Variants in ANTXR2 observed in about 807,000 individuals in gnomAD.
The protein encoded by ANTXR2 is ANTXR cell adhesion molecule 2.
A neutral mutation model predicts 73.7 loss-of-function variants in ANTXR2; 44 were observed. That is an observed-to-expected ratio of 0.60 (90% confidence interval 0.47 to 0.77). The LOEUF (loss-of-function observed/expected upper bound fraction) is 0.77. Ranked by LOEUF, ANTXR2 falls within the 30% of genes least tolerant of loss-of-function variation. The probability of loss-of-function intolerance (pLI) is 0.00; values close to 1 mark genes in which losing one functional copy is unlikely to be tolerated. For synonymous variants in ANTXR2, 217 were observed against 205.9 expected (o/e 1.05, Z -0.46); for missense variants, 604 against 592.5 (o/e 1.02, Z -0.20).
At chr4:80,027,442 A>G (rs1458461192) in intron 10 of ANTXR2, among the ~76,000 whole-genome samples, 2 of 152,154 alleles carry the variant, frequency 1.3e-5, no homozygotes, top group African/African-American at 2.4e-5. Context: ...CATCTCAATG[A>G]TCCTTCAGTT....
At chr4:79,919,020 C>G (rs1727465018) in intron 16 of ANTXR2, among the ~76,000 whole-genome samples, 1 of 150,938 alleles carries the variant, frequency 6.6e-6, no homozygotes, top group Non-Finnish European at 1.5e-5. Context: ...CCTGAGCAAG[C>G]AATGAAAAAC....
chr4:80,023,107 A>G (rs1732250754), intron 10 of ANTXR2, among the ~76,000 whole-genome samples: 1 of 152,324 alleles, frequency 6.6e-6, no homozygotes, highest in South Asian at 2.1e-4. Flanking sequence ...GAAGCAATAA[A>G]ATCATTATGT....
intron 11 of ANTXR2, among the ~76,000 whole-genome samples, chr4:80,014,081 T>A (rs11934958): frequency 0.16 from 24,414 of 152,066 alleles, 2,962 homozygotes; most frequent in African/African-American, 0.35. Context: ...TGGAATTCTA[T>A]CTTCCTTTGT....
At chr4:79,927,813 T>A (rs1727881200) in intron 16 of ANTXR2, among the ~76,000 whole-genome samples, 1 of 152,144 alleles carries the variant, frequency 6.6e-6, no homozygotes. Flanking sequence ...TTCGCACCTA[T>A]TAGGATGGCT....
At chr4:80,068,135 T>C (rs981216193) in intron 3 of ANTXR2, among the ~76,000 whole-genome samples, 65 of 152,186 alleles carry the variant, frequency 4.3e-4, no homozygotes, top group African/African-American at 1.5e-3. Context: ...ATACGGATAA[T>C]TTTCTAAATC....
At chr4:79,913,182 C>T (rs1015316162) in intron 16 of ANTXR2, among the ~76,000 whole-genome samples, 2 of 152,074 alleles carry the variant, frequency 1.3e-5, no homozygotes, top group African/African-American at 4.8e-5. Context: ...TGAATGTGCC[C>T]ATAAGTTAAC....
At chr4:79,950,719 A>G (rs181327659) in intron 16 of ANTXR2, among the ~76,000 whole-genome samples, 1 of 152,244 alleles carries the variant, frequency 6.6e-6, no homozygotes, top group Non-Finnish European at 1.5e-5. Flanking sequence ...CAGTCCCTTA[A>G]ACACTCTACA....
At chr4:80,071,724 T>G (rs1049746514) in intron 1 of ANTXR2, 70 bp from the exon 2 acceptor site, 11 of 1,314,218 alleles carry the variant, frequency 8.4e-6, no homozygotes, top group Non-Finnish European at 9.9e-6. Context: ...TTGAAATGGT[T>G]CCTTCTTCAA....
chr4:79,947,539 A>G (rs1228521368), intron 16 of ANTXR2, among the ~76,000 whole-genome samples: 1 of 152,154 alleles, frequency 6.6e-6, no homozygotes, highest in Non-Finnish European at 1.5e-5. Flanking sequence ...GGTGATGTCA[A>G]AAACACTTAC....
At chr4:79,919,204 C>T (rs753626278) in intron 16 of ANTXR2, among the ~76,000 whole-genome samples, 1 of 152,068 alleles carries the variant, frequency 6.6e-6, no homozygotes, top group Non-Finnish European at 1.5e-5. Context: ...AGACCACATA[C>T]AGAAAATAAA....
chr4:79,933,055 T>C (rs994768459), intron 16 of ANTXR2, among the ~76,000 whole-genome samples: 9 of 152,140 alleles, frequency 5.9e-5, no homozygotes, highest in African/African-American at 2.2e-4. Flanking sequence ...ATAAAAGTAA[T>C]CCTTGCTGCA....
chr4:79,981,702 G>A (rs1242376224), intron 14 of ANTXR2, among the ~76,000 whole-genome samples: 1 of 152,100 alleles, frequency 6.6e-6, no homozygotes, highest in African/African-American at 2.4e-5. Context: ...TACTCAACGT[G>A]TATCGTGTTT....
In ANTXR2 at chr4:80,008,605, G is replaced by A. The variant is rs372195102; in HGVS notation, c.957C>T (p.Ile319=). ...IVTATECSNG[I]AAIIVILVLL... is the part of the protein sequence containing the mutation. ...ACACCAAAATAACAATGATGGCTGCGATCCCGTTAGACTAAAGTAGGCAAA... is the reference window on the plus strand; with the variant it reads ...ACACCAAAATAACAATGATGGCTGCAATCCCGTTAGACTAAAGTAGGCAAA... Residue 319 remains isoleucine, a synonymous_variant, in exon 12 of 17, where the codon ATC becomes ATT. Coordinates refer to ENST00000403729, the MANE Select transcript of ANTXR2 (RefSeq NM_058172.6). The A allele has an allele frequency of 2.8e-5, 45 of 1,600,590 alleles. No homozygotes were observed. The highest frequency in any genetic ancestry group is 1.1e-4 in the African/African-American group (8 of 74,208).
At chr4:80,054,129 C>A (rs1733878477) in intron 7 of ANTXR2, 143 bp downstream of exon 7, 2 of 623,910 alleles carry the variant, frequency 3.2e-6, no homozygotes, top group Non-Finnish European at 5.5e-6. Context: ...TAGAATTACA[C>A]TGTTTGCAAT....
In ANTXR2 at chr4:79,978,183, C is replaced by G. The variant is rs539221519; in HGVS notation, c.1180-9G>C. On this transcript the variant is annotated splice_polypyrimidine_tract_variant and intron_variant, in intron 14 of 16. Coordinates refer to ENST00000403729, the MANE Select transcript of ANTXR2 (RefSeq NM_058172.6). ...TTATCACCCCAACGAACCTGTAAAA[C>G]AAAGGGAGAGTACTGTTATCAGACA... 1 of 1,613,196 alleles carries G rather than the reference C, an allele frequency of 6.2e-7. No homozygotes were observed. The highest frequency in any genetic ancestry group is 8.5e-7 in the Non-Finnish European group (1 of 1,179,520).
chr4:79,920,037 C>T (rs1177467946), intron 16 of ANTXR2, among the ~76,000 whole-genome samples: 2 of 151,044 alleles, frequency 1.3e-5, no homozygotes, highest in Admixed American at 6.6e-5. Flanking sequence ...TCCTTTAATG[C>T]TAAGTGGGAA....
chr4:80,039,538 C>T (rs1733135974), intron 7 of ANTXR2, among the ~76,000 whole-genome samples: 1 of 152,042 alleles, frequency 6.6e-6, no homozygotes. Flanking sequence ...AAAAAATGCA[C>T]AACGTTGCTA....
intron 12 of ANTXR2, among the ~76,000 whole-genome samples, chr4:80,002,254 C>T (rs189481607): frequency 3.8e-4 from 58 of 152,112 alleles, no homozygotes; most frequent in African/African-American, 1.2e-3. Context: ...GAAATAATGC[C>T]GCATATCTAC....
At chr4:79,998,739 A>T (rs529893408) in intron 12 of ANTXR2, among the ~76,000 whole-genome samples, 1 of 152,128 alleles carries the variant, frequency 6.6e-6, no homozygotes, top group African/African-American at 2.4e-5. Flanking sequence ...GAGGAAGGAT[A>T]CTCAATGAAC....
Sources: gnomAD v4.1 joint callset for allele counts (sites outside exome capture counted in the v4.1 genomes callset) on GRCh38, gnomAD v4.1.1 for gene constraint, MANE v1.5 for transcripts, NCBI Gene and HGNC (gene_info 2026-07-23, HGNC 2026-07-21) for gene names.